ADGRL1: variants seen among roughly 807,000 people sequenced by gnomAD.
ADGRL1 encodes adhesion G protein-coupled receptor L1, also known as CIRL-1.
In ADGRL1, 31 loss-of-function variants were observed where a neutral mutation model predicts 148.9. The ratio of observed to expected loss-of-function variants is 0.21; its 90% CI spans 0.16 to 0.28. The LOEUF (loss-of-function observed/expected upper bound fraction) is 0.28, where lower values mean the gene tolerates loss of function less well. Among genes scored for constraint, ADGRL1 ranks in the 10% least tolerant of loss-of-function variants. The probability of loss-of-function intolerance (pLI) is 1.00; values close to 1 mark genes in which losing one functional copy is unlikely to be tolerated. For missense variants in ADGRL1, 1,521 were observed against 2,058.8 expected (o/e 0.74, Z 5.05); for synonymous variants, 937 against 900.3 (o/e 1.04, Z -0.73).
At chr19:14,198,437 C>T (rs1016610993) in intron 1 of ADGRL1, among the ~76,000 whole-genome samples, 1 of 152,186 alleles carries the variant, frequency 6.6e-6, no homozygotes, top group Non-Finnish European at 1.5e-5. Context: ...CCACCAAGCA[C>T]TGGCTGCTTC....
In ADGRL1 at chr19:14,159,542, G is replaced by T. The variant is rs1969121033; in HGVS notation, c.1882C>A (p.Leu628Met). Residue 628 changes from leucine (L) to methionine (M), a missense_variant, in exon 10 of 23, where the codon CTG (leucine) becomes ATG (methionine). Physicochemically the swap from Leu to Met is conservative, Grantham distance 15 (BLOSUM62 2). This residue lies in a region of ADGRL1 where 265 missense variants were observed against 431.9 expected (regional missense o/e 0.61). Coordinates refer to ENST00000361434, the MANE Select transcript of ADGRL1 (RefSeq NM_014921.5). The surrounding 1 kb of genome is among the most constrained non-coding windows in gnomAD (Gnocchi z 6.0). ...TVDNLLRPEA[L>M]ESWKDMNATE... ...GCATTCATGTCCTTCCAGGACTCCA[G>T]AGCTTCTGGCCGGAGCAGATTGTCC... is the stretch of plus-strand genomic sequence containing the variant. 6.2e-7 allele frequency: 1 copy of T among 1,608,100 alleles called. No individual in the cohort carries two copies. Among genetic ancestry groups the T allele is most frequent in the Non-Finnish European group, 8.5e-7 (1 of 1,175,748 alleles).
intron 1 of ADGRL1, among the ~76,000 whole-genome samples, chr19:14,201,324 G>C (rs55972533): frequency 0.068 from 9,343 of 137,318 alleles, 638 homozygotes; most frequent in African/African-American, 0.15. Context: ...TGGCGGGGTG[G>C]GGGGGGGCAA....
At chr19:14,194,882 T>C (rs1022485466) in intron 1 of ADGRL1, among the ~76,000 whole-genome samples, 25 of 146,890 alleles carry the variant, frequency 1.7e-4, no homozygotes, top group Non-Finnish European at 3.8e-4. Context: ...TTTCTTCTCT[T>C]TTTTTTTTTT....
Position 14,150,747 on chromosome 19 carries a change from G to T in ADGRL1, c.*126C>A. ...CCCTGAGGGGACTGTAGGGCCCATG[G>T]CTGAGGGGCACCTGGAGAGAGTGGC... On this transcript the variant is annotated 3_prime_UTR_variant, in exon 23 of 23. Transcript: ENST00000361434. 2.5e-6 allele frequency: 3 copies of T among 1,199,754 alleles called. No homozygotes were observed. The highest frequency in any genetic ancestry group is 3.5e-6 in the Non-Finnish European group (3 of 864,720). The allele number at this position is 1,199,754 out of a possible 1,614,324, so 74.3% of individuals were successfully genotyped here.
intron 3 of ADGRL1, among the ~76,000 whole-genome samples, chr19:14,176,951 G>A (rs1372479482): frequency 5.3e-5 from 8 of 150,904 alleles, no homozygotes; most frequent in Non-Finnish European, 7.4e-5. Flanking sequence ...AAGGCTGGGT[G>A]TGATGGCTCA....
chr19:14,168,042 C>G lies in ADGRL1; in HGVS notation c.394+2640G>C, dbSNP rs530354313. ...GGGAGGGTTCCCACACATCACGTGCCCCCTGCCACCCACCCCTGACCCACC... is the reference window on the plus strand; with the variant it reads ...GGGAGGGTTCCCACACATCACGTGCGCCCTGCCACCCACCCCTGACCCACC... On this transcript the variant is annotated intron_variant, in intron 4 of 22. Coordinates refer to ENST00000361434, the MANE Select transcript of ADGRL1 (RefSeq NM_014921.5). Among the ~76,000 whole-genome samples, 7 of 152,252 alleles carry G rather than the reference C, an allele frequency of 4.6e-5. No homozygotes were observed. The South Asian group carries it at 1.5e-3, about 32-fold the overall frequency.
intron 1 of ADGRL1, among the ~76,000 whole-genome samples, chr19:14,203,283 T>C (rs1972736743): frequency 6.6e-6 from 1 of 152,014 alleles, no homozygotes; most frequent in Admixed American, 6.5e-5. Context: ...AACGAGAGCC[T>C]TGTGTGTCCT....
chr19:14,152,845 G>C lies in ADGRL1; in HGVS notation c.3362C>G (p.Thr1121Ser). ...GGCTGAGGTCTTGAGGGATCCGTGA[G>C]TGCCCCCGGGTGGGGAGCGGATGCA... The part of the protein sequence containing the change: ...YCCIRSPPGG[T>S]HGSLKTSAMR... The change falls in exon 19 of 23, where the codon ACT becomes AGT. Residue 1121 changes from threonine (T) to serine (S), a missense_variant. Physicochemically the swap from Thr to Ser is moderately conservative, Grantham distance 58. This residue lies in a region of ADGRL1 where 185 missense variants were observed against 251.7 expected (regional missense o/e 0.74). Coordinates refer to ENST00000361434, the MANE Select transcript of ADGRL1 (RefSeq NM_014921.5). The surrounding 1 kb of genome is among the most constrained non-coding windows in gnomAD (Gnocchi z 6.1). 2 of 1,614,164 alleles carry C rather than the reference G, an allele frequency of 1.2e-6. No homozygotes were observed. The highest frequency in any genetic ancestry group is 2.2e-5 in the South Asian group (2 of 91,088).
chr19:14,187,471 A>AC (rs1209220888), intron 1 of ADGRL1, among the ~76,000 whole-genome samples: 5 of 148,696 alleles, frequency 3.4e-5, no homozygotes, highest in African/African-American at 1.3e-4. Flanking sequence ...AGCCCTGAAC[A>AC]CCCCCTCTCC....
chr19:14,182,937 G>A (rs909438396), intron 2 of ADGRL1, among the ~76,000 whole-genome samples: 3 of 152,190 alleles, frequency 2.0e-5, no homozygotes, highest in Admixed American at 2.0e-4. Context: ...CCCAGAGTGA[G>A]GGGCCGGGCC....
At chr19:14,198,521 C>G (rs1402067004) in intron 1 of ADGRL1, among the ~76,000 whole-genome samples, 6 of 152,068 alleles carry the variant, frequency 3.9e-5, no homozygotes, top group Non-Finnish European at 7.4e-5. Context: ...AACTATGGCT[C>G]TCTCCCACGT....
rs370331568 is a variant in ADGRL1 at position 14,193,255 on chromosome 19, C to T, written c.-95-9558G>A. 6.6e-4 allele frequency among the ~76,000 whole-genome samples: 96 copies of T among 146,398 alleles called. 2 individuals are homozygous for T. In the South Asian group the frequency reaches 0.016, roughly 24 times the overall value. On this transcript the variant is annotated intron_variant, in intron 1 of 22. Transcript: ENST00000361434. Reference sequence around the variant, plus strand: ...TGGAGGGGGAGGATTGAAATATGGCCCCCCGCCCCCACCGCCAAAAAAAAA... The same window carrying T: ...TGGAGGGGGAGGATTGAAATATGGCTCCCCGCCCCCACCGCCAAAAAAAAA...
Position 14,156,978 on chromosome 19 carries a change from C to T in ADGRL1, c.2913G>A (p.Leu971=), listed in dbSNP as rs761759682. The change falls in exon 15 of 23, where the codon CTG becomes CTA. Residue 971 remains leucine, a synonymous_variant. Transcript: ENST00000361434. ...YYLGGYCFPA[L]VVGIAAAIDY... ...CAATGGCAGCCGCGATGCCCACCAC[C>T]AGGGCCGGGAAGCAGTAGCCACCCA... is the stretch of plus-strand genomic sequence containing the variant. The T allele has an allele frequency of 3.1e-6, 5 of 1,613,662 alleles. No homozygotes were observed. The highest frequency in any genetic ancestry group is 1.1e-5 in the South Asian group (1 of 91,072).
At position 14,160,181 on chromosome 19, in the gene ADGRL1, G is replaced by C; in HGVS notation, c.1731C>G (p.Asp577Glu). The change falls in exon 8 of 23, where the codon GAC becomes GAG. Residue 577 changes from aspartate (D) to glutamate (E), a missense_variant. Around this residue, in one of 8 missense-constraint regions of ADGRL1, gnomAD observed 265 missense variants for 431.9 expected, o/e 0.61. Coordinates refer to ENST00000361434, the MANE Select transcript of ADGRL1 (RefSeq NM_014921.5). The surrounding 1 kb of genome is among the most constrained non-coding windows in gnomAD (Gnocchi z 5.9). ...GGGCCTGCAGCTGGGCATCCAGGATGTCCAGCAGCTGCTCCATCAGCTTCA... is the reference window on the plus strand; with the variant it reads ...GGGCCTGCAGCTGGGCATCCAGGATCTCCAGCAGCTGCTCCATCAGCTTCA... ...SSVKLMEQLL[D>E]ILDAQLQALR... 2 of 1,598,662 alleles carry C rather than the reference G, an allele frequency of 1.3e-6. No individual in the cohort carries two copies. The highest frequency in any genetic ancestry group is 1.7e-6 in the Non-Finnish European group (2 of 1,167,512).
intron 4 of ADGRL1, 67 bp from the exon 5 acceptor site, chr19:14,163,473 A>T: frequency 1.1e-6 from 1 of 885,260 alleles, no homozygotes; most frequent in Non-Finnish European, 1.6e-6. Context: ...GAGGAGAGAG[A>T]GAGAGAGAGA....
intron 3 of ADGRL1, among the ~76,000 whole-genome samples, chr19:14,172,847 A>G (rs1279258554): frequency 2.0e-5 from 3 of 152,180 alleles, no homozygotes; most frequent in Non-Finnish European, 4.4e-5. Flanking sequence ...TTATCCATCA[A>G]CTGTCACGGT....
intron 3 of ADGRL1, among the ~76,000 whole-genome samples, chr19:14,176,286 G>A (rs1250281574): frequency 6.6e-6 from 1 of 151,766 alleles, no homozygotes; most frequent in Non-Finnish European, 1.5e-5. Context: ...AGGAAGCGGA[G>A]GTGGCAGTGA....
chr19:14,163,482 G>A, intron 4 of ADGRL1, 76 bp from the exon 5 acceptor site: 1 of 1,086,334 alleles, frequency 9.2e-7, no homozygotes, highest in Non-Finnish European at 1.3e-6. Context: ...GAGAGAGAGA[G>A]AGAGAGAGAG....
At chr19:14,193,947 G>A (rs1011518853) in intron 1 of ADGRL1, among the ~76,000 whole-genome samples, 3 of 152,224 alleles carry the variant, frequency 2.0e-5, no homozygotes, top group East Asian at 1.9e-4. Flanking sequence ...GCTGGGAGGC[G>A]ACACAATTCT....
Sources: allele counts gnomAD v4.1 joint callset (sites outside exome capture counted in the v4.1 genomes callset), GRCh38; gene constraint gnomAD v4.1.1; regional missense constraint gnomAD v4.1.1; non-coding constraint Gnocchi (gnomAD v3.1); transcripts MANE v1.5; gene names NCBI Gene and HGNC (gene_info 2026-07-23, HGNC 2026-07-21).